FRMD6: variants seen among roughly 807,000 people sequenced by gnomAD.
FRMD6 encodes the protein FERM domain containing 6, also known as FERM domain-containing protein 6.
In FRMD6, 37 loss-of-function variants were observed where a neutral mutation model predicts 73.2. The ratio of observed to expected loss-of-function variants is 0.51; its 90% confidence interval spans 0.39 to 0.66. FRMD6 has a LOEUF of 0.66. Ranked by LOEUF, FRMD6 falls within the 30% of genes least tolerant of loss-of-function variation. The pLI is 0.00. For missense variants in FRMD6, 714 were observed against 780.5 expected (o/e 0.91, Z 1.02); for synonymous variants, 273 against 282.2 (o/e 0.97, Z 0.33).
intron 2 of FRMD6, among the ~76,000 whole-genome samples, chr14:51,696,142 T>G (rs1895930382): frequency 6.6e-6 from 1 of 151,368 alleles, no homozygotes; most frequent in South Asian, 2.1e-4. Context: ...ATTTAATAAT[T>G]AAGGTATTTT....
the FRMD6 span, among the ~76,000 whole-genome samples, chr14:51,427,562 T>C: frequency 6.6e-6 from 1 of 152,206 alleles, no homozygotes; most frequent in African/African-American, 2.4e-5. Flanking sequence ...TATGCAAACA[T>C]TGAGACTTAG....
chr14:51,477,737 C>CTTTT, the FRMD6 span, among the ~76,000 whole-genome samples: 5 of 134,172 alleles, frequency 3.7e-5, no homozygotes, highest in African/African-American at 1.1e-4. Context: ...TTTTCTTTTT[C>CTTTT]TTTTTTTTTT....
At chr14:51,599,561 T>C (rs899080701) in intron 2 of FRMD6, among the ~76,000 whole-genome samples, 1 of 152,024 alleles carries the variant, frequency 6.6e-6, no homozygotes, top group South Asian at 2.1e-4. Flanking sequence ...AGACAACCTA[T>C]GAAATGGGAG....
intron 13 of FRMD6, among the ~76,000 whole-genome samples, chr14:51,727,027 TA>T (rs112151121): frequency 0.012 from 1,775 of 151,888 alleles, 78 homozygotes; most frequent in East Asian, 0.11. Context: ...CTTGGGATAA[TA>T]AAAAAAAGTC....
intron 1 of FRMD6, among the ~76,000 whole-genome samples, chr14:51,532,794 G>T (rs1447136404): frequency 1.3e-5 from 2 of 152,200 alleles, no homozygotes; most frequent in African/African-American, 2.4e-5. Flanking sequence ...ACAAGCTTCA[G>T]ATCTGGCCCA....
chr14:51,683,613 C>T (rs1894959369), intron 1 of FRMD6, among the ~76,000 whole-genome samples: 1 of 152,062 alleles, frequency 6.6e-6, no homozygotes, highest in South Asian at 2.1e-4. Flanking sequence ...AATGAACAAT[C>T]TTTCCCACCC....
At chr14:51,615,292 C>T (rs1396905354) in intron 2 of FRMD6, among the ~76,000 whole-genome samples, 1 of 152,124 alleles carries the variant, frequency 6.6e-6, no homozygotes, top group Admixed American at 6.6e-5. Flanking sequence ...AAGAGACAAG[C>T]CACATTGTTG....
At chr14:51,580,693 GA>G (rs1396470936) in intron 2 of FRMD6, among the ~76,000 whole-genome samples, 7 of 152,314 alleles carry the variant, frequency 4.6e-5, no homozygotes, top group African/African-American at 1.7e-4. Flanking sequence ...ACAGACTGAG[GA>G]AAATGAAAGA....
intron 1 of FRMD6, among the ~76,000 whole-genome samples, chr14:51,662,052 A>G (rs760389431): frequency 2.4e-4 from 37 of 152,314 alleles, no homozygotes; most frequent in Non-Finnish European, 3.1e-4. Flanking sequence ...TTTGAAATAG[A>G]GAAACGGTTC....
chr14:51,522,231 G>T (rs577429398), intron 1 of FRMD6, among the ~76,000 whole-genome samples: 1 of 152,226 alleles, frequency 6.6e-6, no homozygotes, highest in South Asian at 2.1e-4. Flanking sequence ...TATGTAAAAT[G>T]TCTTATTTCT....
chr14:51,690,940 T>C (rs1219499015), intron 2 of FRMD6, among the ~76,000 whole-genome samples: 1 of 152,178 alleles, frequency 6.6e-6, no homozygotes, highest in African/African-American at 2.4e-5. Flanking sequence ...ATGTTTACAA[T>C]TGTATACATC....
At chr14:51,688,996 G>A (rs1895363776) in intron 1 of FRMD6, among the ~76,000 whole-genome samples, 1 of 152,150 alleles carries the variant, frequency 6.6e-6, no homozygotes, top group Non-Finnish European at 1.5e-5. Flanking sequence ...ATACAAACAT[G>A]GTTTGATATA....
At chr14:51,479,274 G>A in the FRMD6 span, among the ~76,000 whole-genome samples, 72 of 152,254 alleles carry the variant, frequency 4.7e-4, no homozygotes, top group Middle Eastern at 3.4e-3. Flanking sequence ...ACATTTATGC[G>A]CACATTGTAC....
intron 2 of FRMD6, among the ~76,000 whole-genome samples, chr14:51,611,713 G>A (rs1243759320): frequency 2.0e-5 from 3 of 152,166 alleles, no homozygotes; most frequent in African/African-American, 4.8e-5. Context: ...ACTTGGATAC[G>A]CATAGCACTA....
chr14:51,717,311 CTTCA>C lies in FRMD6; in HGVS notation c.1024+1814_1024+1817del, dbSNP rs1468653492. On this transcript the variant is annotated intron_variant, in intron 10 of 13. Coordinates refer to ENST00000344768, the MANE Select transcript of FRMD6 (RefSeq NM_001267046.2). ...GCATCTACCAAGGGCCTTCTTGTTA[CTTCA>C]TCCCATGATGGAAGGTGGAAGGGTA... is the stretch of plus-strand genomic sequence containing the variant. 3 of 152,126 alleles carry C rather than the reference CTTCA, an allele frequency of 2.0e-5. No homozygotes were observed. The East Asian group carries it at 5.8e-4, about 29-fold the overall frequency. The allele number at this position is 152,126 out of a possible 1,614,324, so 9.4% of individuals were successfully genotyped here.
intron 1 of FRMD6, among the ~76,000 whole-genome samples, chr14:51,551,939 C>G (rs564932344): frequency 7.8e-4 from 118 of 152,128 alleles, no homozygotes; most frequent in African/African-American, 2.7e-3. Context: ...TCTTAATGTT[C>G]TTAGAGTTTT....
chr14:51,695,819 T>G (rs545762717), intron 2 of FRMD6, among the ~76,000 whole-genome samples: 1 of 152,300 alleles, frequency 6.6e-6, no homozygotes, highest in South Asian at 2.1e-4. Context: ...GGTTGCTATT[T>G]AATAATGAAT....
At chr14:51,400,428 C>G in the FRMD6 span, among the ~76,000 whole-genome samples, 2 of 152,160 alleles carry the variant, frequency 1.3e-5, no homozygotes, top group Non-Finnish European at 2.9e-5. Flanking sequence ...CATGTTCATA[C>G]AAATCACAGA....
chr14:51,652,645 C>G (rs550426773), intron 1 of FRMD6, among the ~76,000 whole-genome samples: 61 of 152,356 alleles, frequency 4.0e-4, no homozygotes, highest in African/African-American at 1.4e-3. Context: ...TGGGGCAGAT[C>G]GGCGCCAGAC....
Sources: allele counts gnomAD v4.1 joint callset (sites outside exome capture counted in the v4.1 genomes callset), GRCh38; gene constraint gnomAD v4.1.1; transcripts MANE v1.5; gene names NCBI Gene and HGNC (gene_info 2026-07-23, HGNC 2026-07-21).